The following GTPBP10 variants were observed in gnomAD, a reference collection of about 807,000 sequenced individuals.
The protein encoded by GTPBP10 is GTP binding protein 10.
A neutral mutation model predicts 44.8 loss-of-function variants in GTPBP10; 38 were observed. That is an observed-to-expected ratio of 0.85 (90% CI 0.65 to 1.11). GTPBP10 has a LOEUF of 1.11. Among genes scored for constraint, GTPBP10 ranks in the 50% most tolerant of loss-of-function variants. The pLI is 0.00. For missense variants in GTPBP10, 462 were observed against 453.7 expected (o/e 1.02, Z -0.17); for synonymous variants, 152 against 150.6 (o/e 1.01, Z -0.07).
intron 4 of GTPBP10, among the ~76,000 whole-genome samples, chr7:90,370,967 C>T (rs1796245842): frequency 6.6e-6 from 1 of 151,470 alleles, no homozygotes; most frequent in African/African-American, 2.4e-5. Flanking sequence ...GATCACGCCA[C>T]TGCACTCCAG....
At chr7:90,383,755 C>T (rs557973011) in intron 9 of GTPBP10, 5 of 152,254 alleles carry the variant, frequency 3.3e-5, no homozygotes, top group African/African-American at 4.8e-5. Flanking sequence ...AGTAGAGAAC[C>T]TCATGCACAA....
chr7:90,357,962 AG>A (rs148711851), intron 4 of GTPBP10, among the ~76,000 whole-genome samples: 2,352 of 152,274 alleles, frequency 0.015, 58 homozygotes, highest in African/African-American at 0.052. Context: ...AGAGAAAAAA[AG>A]GGCATTCAAA....
At chr7:90,382,935 G>T in intron 8 of GTPBP10, 21 bp from the exon 9 acceptor site, 1 of 1,463,816 alleles carries the variant, frequency 6.8e-7, no homozygotes. Context: ...AAATTATTGG[G>T]TTTTCTCTTT....
chr7:90,349,927 T>C (rs1037971918), intron 1 of GTPBP10, among the ~76,000 whole-genome samples: 4 of 152,204 alleles, frequency 2.6e-5, no homozygotes, highest in African/African-American at 9.7e-5. Flanking sequence ...CTTCTTTTTT[T>C]TTTTTAAATT....
In GTPBP10 at chr7:90,356,887, G is replaced by C. The variant is rs111611492; in HGVS notation, c.464+1657G>C. On this transcript the variant is annotated intron_variant, in intron 4 of 9. Coordinates refer to ENST00000222511, the MANE Select transcript of GTPBP10 (RefSeq NM_033107.4). ...ATATAATGAAATACTAGGCTTTTCAGAAGTAGGTTTGAAATTTGTCTGTAA... is the reference window on the plus strand; with the variant it reads ...ATATAATGAAATACTAGGCTTTTCACAAGTAGGTTTGAAATTTGTCTGTAA... Among the ~76,000 whole-genome samples, 1,118 of 152,240 alleles carry C rather than the reference G, an allele frequency of 7.3e-3. 15 individuals are homozygous for C. Among genetic ancestry groups the C allele is most frequent in the African/African-American group, 0.024 (985 of 41,546 alleles).
At position 90,378,124 on chromosome 7, in the gene GTPBP10, T is replaced by A; in HGVS notation, c.700-10T>A. On this transcript the variant is annotated splice_polypyrimidine_tract_variant and intron_variant, in intron 7 of 9. Transcript: ENST00000222511. ...GTTAAAGGCTGTCTCTTTCCTTCTC[T>A]TTTTTTTAGGTTGATATTTCTGGAT... The A allele has an allele frequency of 5.0e-6, 8 of 1,596,964 alleles. No individual in the cohort carries two copies. Among genetic ancestry groups the A allele is most frequent in the Non-Finnish European group, 6.9e-6 (8 of 1,167,060 alleles).
At chr7:90,375,385 T>C (rs961891065) in intron 6 of GTPBP10, among the ~76,000 whole-genome samples, 3 of 152,154 alleles carry the variant, frequency 2.0e-5, no homozygotes, top group South Asian at 2.1e-4. Context: ...ATCCATAGAA[T>C]GTACAGCACC....
At position 90,377,738 on chromosome 7, in the gene GTPBP10, T is replaced by A. The variant is rs577779997; in HGVS notation, c.699+124T>A. 9 of 640,294 alleles carry A rather than the reference T, an allele frequency of 1.4e-5. No individual in the cohort carries two copies. In the African/African-American group the frequency reaches 1.7e-4, roughly 12 times the overall value. The allele number at this position is 640,294 out of a possible 1,614,324, so 39.7% of individuals were successfully genotyped here. ...TGTTACTCCACTAAGTCTTTTATAATATGGGGATGGAAGTGACATTGTTTA... is the reference window on the plus strand; with the variant it reads ...TGTTACTCCACTAAGTCTTTTATAAAATGGGGATGGAAGTGACATTGTTTA... On this transcript the variant is annotated intron_variant, in intron 7 of 9. Transcript: ENST00000222511.
At chr7:90,375,638 C>T (rs11563316) in intron 6 of GTPBP10, among the ~76,000 whole-genome samples, 2,066 of 151,928 alleles carry the variant, frequency 0.014, 55 homozygotes, top group African/African-American at 0.046. Flanking sequence ...TCATTTATAC[C>T]GAATTTTTAA....
intron 4 of GTPBP10, among the ~76,000 whole-genome samples, chr7:90,367,273 G>A (rs1286137300): frequency 1.3e-5 from 2 of 152,290 alleles, no homozygotes; most frequent in Non-Finnish European, 2.9e-5. Context: ...GATTTGGGGT[G>A]GAGAGTTCTG....
chr7:90,365,238 A>G (rs1241849463), intron 4 of GTPBP10, among the ~76,000 whole-genome samples: 1 of 152,064 alleles, frequency 6.6e-6, no homozygotes, highest in Non-Finnish European at 1.5e-5. Context: ...GGAGCTGTAG[A>G]CTGGAGCCAT....
At chr7:90,369,363 C>T (rs1796206689) in intron 4 of GTPBP10, among the ~76,000 whole-genome samples, 1 of 152,218 alleles carries the variant, frequency 6.6e-6, no homozygotes, top group African/African-American at 2.4e-5. Context: ...TCTGCCAAAG[C>T]TGTCTGCTGC....
chr7:90,385,281 A>G lies in GTPBP10; in HGVS notation c.*127A>G. On this transcript the variant is annotated 3_prime_UTR_variant, in exon 10 of 10. Coordinates refer to ENST00000222511, the MANE Select transcript of GTPBP10 (RefSeq NM_033107.4). Reference sequence around the variant, plus strand: ...AGGCTTAGAAAGACAAATGCTGCATAATCTCACTGTGGAATCTTAAGTTGA... The same window carrying G: ...AGGCTTAGAAAGACAAATGCTGCATGATCTCACTGTGGAATCTTAAGTTGA... 1 of 635,360 alleles carries G rather than the reference A, an allele frequency of 1.6e-6. No homozygotes were observed. The highest frequency in any genetic ancestry group is 2.6e-6 in the Non-Finnish European group (1 of 385,860). 39.4% of individuals were successfully genotyped at this position (635,360 alleles called of 1,614,324 possible).
intron 4 of GTPBP10, among the ~76,000 whole-genome samples, chr7:90,360,812 C>A (rs185538234): frequency 2.0e-5 from 3 of 152,110 alleles, no homozygotes; most frequent in Non-Finnish European, 4.4e-5. Context: ...TCTTTTATTT[C>A]GTTGAGCAGT....
In GTPBP10 at chr7:90,354,569, A is replaced by G; in HGVS notation, c.319+20A>G. The G allele has an allele frequency of 7.9e-7, 1 of 1,264,318 alleles. No individual in the cohort carries two copies. Among genetic ancestry groups the G allele is most frequent in the Non-Finnish European group, 1.1e-6 (1 of 909,236 alleles). The allele number at this position is 1,264,318 out of a possible 1,614,324, so 78.3% of individuals were successfully genotyped here. A position where few individuals can be genotyped will look rare whatever the true frequency, so the allele number is the denominator to read the frequency against. ...TTATAGGTGAGTGTACTATAACTCC[A>G]AAAGTTGTAAAAATGTGCACGTTTT... On this transcript the variant is annotated intron_variant, in intron 3 of 9. Coordinates refer to ENST00000222511, the MANE Select transcript of GTPBP10 (RefSeq NM_033107.4).
In GTPBP10 at chr7:90,386,854, A is replaced by G. The variant is rs775256350; in HGVS notation, c.*1700A>G. On this transcript the variant is annotated 3_prime_UTR_variant, in exon 10 of 10. Transcript: ENST00000222511. The stretch of plus-strand genomic sequence containing the variant: ...TGTAAAAACAAAAAATTCAAATAGT[A>G]CAAAAGCATATAAGTAACTAATAAA... 6.6e-6 allele frequency: 1 copy of G among 152,220 alleles called. No individual in the cohort carries two copies. The highest frequency in any genetic ancestry group is 1.5e-5 in the Non-Finnish European group (1 of 68,044). 9.4% of individuals were successfully genotyped at this position (152,220 alleles called of 1,614,324 possible). A position where few individuals can be genotyped will look rare whatever the true frequency, so the allele number is the denominator to read the frequency against.
At chr7:90,377,356 TTTACTC>T (rs1796358251) in intron 6 of GTPBP10, 145 bp from the exon 7 acceptor site, 3 of 496,246 alleles carry the variant, frequency 6.0e-6, no homozygotes, top group African/African-American at 3.9e-5. Flanking sequence ...GTACATTAAT[TTTACTC>T]TTATACTTGG....
At position 90,388,590 on chromosome 7, in the gene GTPBP10, C is replaced by CT. The variant is rs1359675613; in HGVS notation, c.*3442dup. 1 of 151,960 alleles carries CT rather than the reference C, an allele frequency of 6.6e-6. No homozygotes were observed. Among genetic ancestry groups the CT allele is most frequent in the African/African-American group, 2.4e-5 (1 of 41,380 alleles). 9.4% of individuals were successfully genotyped at this position (151,960 alleles called of 1,614,324 possible). A position where few individuals can be genotyped will look rare whatever the true frequency, so the allele number is the denominator to read the frequency against. On this transcript the variant is annotated 3_prime_UTR_variant, in exon 10 of 10. Coordinates refer to ENST00000222511, the MANE Select transcript of GTPBP10 (RefSeq NM_033107.4). Reference sequence around the variant, plus strand: ...TTATTATTTGTCATAACAAGGTGAACTTTTTTAAAATGGTAAACATGTATT... The same window carrying CT: ...TTATTATTTGTCATAACAAGGTGAACTTTTTTTAAAATGGTAAACATGTATT...
chr7:90,348,574 A>G (rs1795726533), intron 1 of GTPBP10, among the ~76,000 whole-genome samples: 1 of 148,964 alleles, frequency 6.7e-6, no homozygotes, highest in African/African-American at 2.5e-5. Flanking sequence ...CATGTTGAAT[A>G]GACTGAGGAG....
Sources: allele counts gnomAD v4.1 joint callset (sites outside exome capture counted in the v4.1 genomes callset), GRCh38; gene constraint gnomAD v4.1.1; transcripts MANE v1.5; gene names NCBI Gene and HGNC (gene_info 2026-07-23, HGNC 2026-07-21).